HYLS1: variants seen among roughly 807,000 people sequenced by gnomAD.
HYLS1 encodes the protein centriolar and ciliogenesis-associated protein HYLS1.
A neutral mutation model predicts 29.4 loss-of-function variants in HYLS1; 25 were observed. The ratio of observed to expected loss-of-function variants is 0.85; its 90% CI spans 0.62 to 1.19. The LOEUF is 1.19. HYLS1 is among the 50% of genes most tolerant of loss of function. The pLI is 0.00. For missense variants in HYLS1, 352 were observed against 365.1 expected (o/e 0.96, Z 0.29); for synonymous variants, 128 against 126.7 (o/e 1.01, Z -0.07).
intron 2 of HYLS1, among the ~76,000 whole-genome samples, chr11:125,891,899 C>T (rs1256602696): frequency 5.9e-5 from 9 of 152,134 alleles, no homozygotes; most frequent in Admixed American, 5.9e-4. Context: ...TGGTCCACCC[C>T]CCTTCTGTAG....
intron 2 of HYLS1, chr11:125,893,639 T>G: frequency 1.6e-6 from 1 of 639,964 alleles, no homozygotes. Flanking sequence ...ATAACTTCCT[T>G]AATAGGGCTT....
intron 1 of HYLS1, 61 bp from the exon 2 acceptor site, chr11:125,891,359 GCAT>G (rs1944403913): frequency 6.6e-6 from 1 of 150,402 alleles, no homozygotes; most frequent in Non-Finnish European, 1.5e-5. Flanking sequence ...TATGGTTAGT[GCAT>G]TTTGTTCCAT....
At chr11:125,889,094 A>G (rs1370411980) in intron 1 of HYLS1, among the ~76,000 whole-genome samples, 1 of 152,228 alleles carries the variant, frequency 6.6e-6, no homozygotes, top group African/African-American at 2.4e-5. Flanking sequence ...CATGTTACAA[A>G]TATAATAAAG....
At chr11:125,895,829 A>C (rs751803917) in intron 2 of HYLS1, 2 of 1,580,388 alleles carry the variant, frequency 1.3e-6, no homozygotes, top group Non-Finnish European at 1.7e-6. Flanking sequence ...TAGAGACACA[A>C]ATAATCTCAG....
chr11:125,888,497 G>T (rs1043196387), intron 1 of HYLS1, among the ~76,000 whole-genome samples: 1 of 152,098 alleles, frequency 6.6e-6, no homozygotes, highest in Non-Finnish European at 1.5e-5. Flanking sequence ...GGCCGGGCGC[G>T]GTGGCTCACG....
rs769100719 is a variant in HYLS1 at position 125,893,853 on chromosome 11, C to T, written c.-26+2381C>T. On this transcript the variant is annotated intron_variant, in intron 2 of 2. Coordinates refer to ENST00000425380, the MANE Select transcript of HYLS1 (RefSeq NM_001134793.2). ...GTTGGTGTCTCCAAATTAGTATTCT[C>T]TTCCTCTAGTGTGTCATTACAGTCC... 4.3e-6 allele frequency: 7 copies of T among 1,613,920 alleles called. No homozygotes were observed. In the East Asian group the frequency reaches 1.3e-4, roughly 31 times the overall value.
intron 2 of HYLS1, among the ~76,000 whole-genome samples, chr11:125,895,055 T>C (rs1212324493): frequency 6.6e-6 from 1 of 151,780 alleles, no homozygotes; most frequent in Non-Finnish European, 1.5e-5. Flanking sequence ...CTATTTCTTT[T>C]TTTTTTTTTT....
intron 2 of HYLS1, among the ~76,000 whole-genome samples, chr11:125,898,698 A>G (rs2134254451): frequency 6.6e-6 from 1 of 152,292 alleles, no homozygotes; most frequent in Non-Finnish European, 1.5e-5. Flanking sequence ...ATTAAAGCAT[A>G]GAAATTATAT....
chr11:125,897,952 A>C (rs893184912), intron 2 of HYLS1, among the ~76,000 whole-genome samples: 7 of 152,232 alleles, frequency 4.6e-5, no homozygotes, highest in Non-Finnish European at 7.3e-5. Context: ...CAGTAAGGGA[A>C]TGGCTGACTA....
At chr11:125,894,854 A>G (rs1432638589) in intron 2 of HYLS1, among the ~76,000 whole-genome samples, 1 of 152,206 alleles carries the variant, frequency 6.6e-6, no homozygotes, top group Non-Finnish European at 1.5e-5. Flanking sequence ...TGTAGAAATT[A>G]ATGTCTTTTT....
In HYLS1 at chr11:125,899,614, C is replaced by T. The variant is rs1259118774; in HGVS notation, c.246C>T (p.Val82=). 2 of 1,614,054 alleles carry T rather than the reference C, an allele frequency of 1.2e-6. No homozygotes were observed. The highest frequency in any genetic ancestry group is 1.7e-6 in the Non-Finnish European group (2 of 1,180,052). Reference sequence around the variant, plus strand: ...AAAGTAATGTCCCTTCAGAAACAGTCTCTGAGGCCTCCCAAAGACTCCGAA... The same window carrying T: ...AAAGTAATGTCCCTTCAGAAACAGTTTCTGAGGCCTCCCAAAGACTCCGAA... ...HVESNVPSET[V]SEASQRLRKP... Residue 82 remains valine, a synonymous_variant, in exon 3 of 3, where the codon GTC becomes GTT. Coordinates refer to ENST00000425380, the MANE Select transcript of HYLS1 (RefSeq NM_001134793.2).
At position 125,899,564 on chromosome 11, in the gene HYLS1, G is replaced by A. The variant is rs778037561; in HGVS notation, c.196G>A (p.Val66Met). 6.2e-7 allele frequency: 1 copy of A among 1,614,186 alleles called. No homozygotes were observed. The highest frequency in any genetic ancestry group is 1.1e-5 in the South Asian group (1 of 91,082). ...VAPGKRPALPVQLQYPHVESN... is the reference protein window; with the variant it reads ...VAPGKRPALPMQLQYPHVESN... The stretch of plus-strand genomic sequence containing the variant: ...CCCAGGGAAGCGACCTGCTCTTCCT[G>A]TGCAACTACAGTACCCACATGTAGA... The change falls in exon 3 of 3, where the codon GTG becomes ATG. Residue 66 changes from valine to methionine, a missense_variant. Transcript: ENST00000425380.
At chr11:125,884,357 C>T (rs1944272560), upstream of HYLS1, among the ~76,000 whole-genome samples, 1 of 152,084 alleles carries the variant, frequency 6.6e-6, no homozygotes, top group Admixed American at 6.5e-5. Flanking sequence ...TGCCTGTAGT[C>T]CCAGCACTTT....
intron 1 of HYLS1, among the ~76,000 whole-genome samples, chr11:125,888,787 AG>A (rs377242661): frequency 0.076 from 1,190 of 15,634 alleles, 40 homozygotes; most frequent in Middle Eastern, 0.19. Context: ...AAAAAAAAAA[AG>A]AGAAAAGAAA....
chr11:125,898,716 C>T (rs558807179), intron 2 of HYLS1, among the ~76,000 whole-genome samples: 46 of 151,406 alleles, frequency 3.0e-4, no homozygotes, highest in African/African-American at 1.1e-3. Context: ...TATGTATGCA[C>T]GTATATACAC....
chr11:125,889,142 A>G (rs1944364744), intron 1 of HYLS1, among the ~76,000 whole-genome samples: 1 of 152,246 alleles, frequency 6.6e-6, no homozygotes, highest in Admixed American at 6.5e-5. Flanking sequence ...AGCAGATTAT[A>G]CATTATTGAG....
chr11:125,897,606 T>A (rs1392775094), intron 2 of HYLS1, among the ~76,000 whole-genome samples: 1 of 151,936 alleles, frequency 6.6e-6, no homozygotes, highest in African/African-American at 2.4e-5. Context: ...CTTATAAAAA[T>A]TTTTTAAAAA....
chr11:125,896,328 T>C, intron 2 of HYLS1: 2 of 1,530,790 alleles, frequency 1.3e-6, no homozygotes, highest in Non-Finnish European at 8.9e-7. Context: ...AGGTCTGCCC[T>C]GTCTGAAAAG....
chr11:125,889,183 T>C (rs927957455), intron 1 of HYLS1, among the ~76,000 whole-genome samples: 1 of 152,232 alleles, frequency 6.6e-6, no homozygotes, highest in African/African-American at 2.4e-5. Context: ...CATTTCTCTG[T>C]CAGTGTCGAT....
Sources: gnomAD v4.1 joint callset for allele counts (sites outside exome capture counted in the v4.1 genomes callset) on GRCh38, gnomAD v4.1.1 for gene constraint, MANE v1.5 for transcripts, NCBI Gene and HGNC (gene_info 2026-07-23, HGNC 2026-07-21) for gene names.